Variants in RPS6KA2 observed in about 807,000 individuals in gnomAD.
RPS6KA2 encodes the protein ribosomal protein S6 kinase A2.
A neutral mutation model predicts 91.8 loss-of-function variants in RPS6KA2; 42 were observed. The ratio of observed to expected loss-of-function variants is 0.46; its 90% CI spans 0.36 to 0.59. The LOEUF (loss-of-function observed/expected upper bound fraction) is 0.59, where lower values mean the gene tolerates loss of function less well. RPS6KA2 is among the 20% of genes least tolerant of loss of function. RPS6KA2 has a pLI of 0.00. For synonymous variants in RPS6KA2, 414 were observed against 393.6 expected (o/e 1.05, Z -0.61); for missense variants, 798 against 978.5 (o/e 0.82, Z 2.46).
chr6:166,545,475 T>C (rs991341033), intron 1 of RPS6KA2, among the ~76,000 whole-genome samples: 1 of 152,280 alleles, frequency 6.6e-6, no homozygotes, highest in Non-Finnish European at 1.5e-5. Flanking sequence ...GCTGGGCTAA[T>C]GTAAGGTTCC....
intron 3 of RPS6KA2, among the ~76,000 whole-genome samples, chr6:166,527,808 C>A (rs1033283708): frequency 1.3e-5 from 2 of 152,214 alleles, no homozygotes; most frequent in South Asian, 4.1e-4. Context: ...TTAACCCGTG[C>A]GGCTTGGTGC....
intron 1 of RPS6KA2, among the ~76,000 whole-genome samples, chr6:166,569,562 C>T (rs1270107947): frequency 6.6e-6 from 1 of 152,222 alleles, no homozygotes; most frequent in African/African-American, 2.4e-5. Flanking sequence ...TCTCACCACC[C>T]TCTTGCCTTC....
At chr6:166,860,700 A>G (rs562670349) in intron 1 of RPS6KA2, among the ~76,000 whole-genome samples, 1 of 152,330 alleles carries the variant, frequency 6.6e-6, no homozygotes, top group East Asian at 1.9e-4. Flanking sequence ...GCACAAGCCA[A>G]TGTGCTGACG....
At position 166,459,618 on chromosome 6, in the gene RPS6KA2, A is replaced by T. The variant is rs1190576963; in HGVS notation, c.973-67T>A. The T allele has an allele frequency of 1.6e-5, 19 of 1,164,132 alleles. No homozygotes were observed. Among genetic ancestry groups the T allele is most frequent in the Non-Finnish European group, 2.3e-5 (18 of 786,354 alleles). The allele number at this position is 1,164,132 out of a possible 1,614,324, so 72.1% of individuals were successfully genotyped here. A position where few individuals can be genotyped will look rare whatever the true frequency, so the allele number is the denominator to read the frequency against. ...CAGACATTGCCACAGAACACTGGGG[A>T]CAGAGAAACCTGCTGTGGGGAGGGA... On this transcript the variant is annotated intron_variant, in intron 11 of 20. Coordinates refer to ENST00000265678, the MANE Select transcript of RPS6KA2 (RefSeq NM_021135.6). This position sits in a 1 kb window ranked among gnomAD's most constrained non-coding sequence, Gnocchi z 4.9.
At position 166,852,698 on chromosome 6, in the gene RPS6KA2, A is replaced by G. The variant is rs1411625779; in HGVS notation, c.123+5502T>C. 1.3e-5 allele frequency among the ~76,000 whole-genome samples: 2 copies of G among 151,996 alleles called. No homozygotes were observed. Among genetic ancestry groups the G allele is most frequent in the Admixed American group, 1.3e-4 (2 of 15,274 alleles). On this transcript the variant is annotated intron_variant, in intron 2 of 21. Coordinates refer to the RPS6KA2 transcript ENST00000503859. This position sits in a 1 kb window ranked among gnomAD's most constrained non-coding sequence, Gnocchi z 4.1. ...AACTCCGGGAGCTGGGCATTGGAGG[A>G]GGCCACGCTGACACGCTCAGGAGCT...
rs538593109 is a variant in RPS6KA2 at position 166,763,905 on chromosome 6, T to C, written c.123+94295A>G. On this transcript the variant is annotated intron_variant, in intron 2 of 21. Transcript: ENST00000503859. ...CCTTTAAAGATTGTTTTCAGATCCATGACGGCACGGCCGGCCTTGTCTATG... is the reference window on the plus strand; with the variant it reads ...CCTTTAAAGATTGTTTTCAGATCCACGACGGCACGGCCGGCCTTGTCTATG... 3.3e-5 allele frequency among the ~76,000 whole-genome samples: 5 copies of C among 152,328 alleles called. No homozygotes were observed. In the South Asian group the frequency reaches 1.0e-3, roughly 32 times the overall value.
intron 2 of RPS6KA2, among the ~76,000 whole-genome samples, chr6:166,537,493 A>C (rs1783518876): frequency 6.6e-6 from 1 of 152,266 alleles, no homozygotes; most frequent in African/African-American, 2.4e-5. Context: ...TTGTAGGCCC[A>C]AAATATTGCT....
At chr6:166,721,782 G>A (rs1790181004) in intron 2 of RPS6KA2, among the ~76,000 whole-genome samples, 2 of 152,028 alleles carry the variant, frequency 1.3e-5, no homozygotes, top group African/African-American at 4.8e-5. Context: ...TTGCAACCTC[G>A]CTCATCAGCT....
chr6:166,713,275 AG>A (rs1378545242), intron 2 of RPS6KA2, among the ~76,000 whole-genome samples: 1 of 152,172 alleles, frequency 6.6e-6, no homozygotes, highest in Non-Finnish European at 1.5e-5. Flanking sequence ...CCAGGCCCAT[AG>A]CCGGGTTTTC....
chr6:166,477,858 T>C (rs7766197), intron 10 of RPS6KA2, among the ~76,000 whole-genome samples: 41,570 of 151,964 alleles, frequency 0.27, 8,321 homozygotes, highest in African/African-American at 0.57. Context: ...CTGAAGTGAG[T>C]CATGATTGCA....
chr6:166,658,187 T>C (rs1314811666), intron 2 of RPS6KA2, among the ~76,000 whole-genome samples: 3 of 151,960 alleles, frequency 2.0e-5, no homozygotes, highest in African/African-American at 4.8e-5. Flanking sequence ...CAGCCCAGGA[T>C]TTTTTACTCC....
At chr6:166,759,063 A>G (rs1325617767) in intron 2 of RPS6KA2, among the ~76,000 whole-genome samples, 2 of 139,506 alleles carry the variant, frequency 1.4e-5, no homozygotes, top group Admixed American at 1.4e-4. Context: ...TCAATGTTGC[A>G]TTCGTGTGTG....
chr6:166,510,385 A>C, intron 3 of RPS6KA2, 28 bp from the exon 4 acceptor site: 5 of 1,460,446 alleles, frequency 3.4e-6, no homozygotes, highest in Middle Eastern at 1.8e-4. Flanking sequence ...AAAGGCTTTC[A>C]TGAGGCAGGA....
At chr6:166,420,070 G>A (rs554351607) in intron 17 of RPS6KA2, 112 bp from the exon 18 acceptor site, 22 of 980,344 alleles carry the variant, frequency 2.2e-5, no homozygotes, top group South Asian at 8.3e-5. Context: ...GGAGGAGGGC[G>A]GTGCCATGTC....
chr6:166,697,372 G>A (rs1009814492), intron 2 of RPS6KA2, among the ~76,000 whole-genome samples: 1 of 152,216 alleles, frequency 6.6e-6, no homozygotes, highest in African/African-American at 2.4e-5. Context: ...CACCTGGCTG[G>A]AGATGGAGAC....
chr6:166,443,142 G>A (rs1209352099), intron 14 of RPS6KA2, among the ~76,000 whole-genome samples: 1 of 152,084 alleles, frequency 6.6e-6, no homozygotes, highest in East Asian at 1.9e-4. Context: ...ATACGATCTA[G>A]AGGAAAGAAA....
At chr6:166,698,975 G>A (rs75268343) in intron 2 of RPS6KA2, among the ~76,000 whole-genome samples, 9,794 of 152,222 alleles carry the variant, frequency 0.064, 377 homozygotes, top group African/African-American at 0.088. Context: ...AAGAGGTCAG[G>A]TGGTCAGATG....
chr6:166,469,344 T>A (rs78138415), intron 11 of RPS6KA2, among the ~76,000 whole-genome samples: 8 of 151,452 alleles, frequency 5.3e-5, no homozygotes, highest in South Asian at 2.1e-4. Context: ...TTTTTTTTTT[T>A]AAATGTGACT....
chr6:166,628,141 T>A (rs2128544491), upstream of RPS6KA2, among the ~76,000 whole-genome samples: 1 of 152,330 alleles, frequency 6.6e-6, no homozygotes, highest in South Asian at 2.1e-4. Context: ...GACCTGGGTC[T>A]AGGGCAAGGC....
Sources: gnomAD v4.1 joint callset for allele counts (sites outside exome capture counted in the v4.1 genomes callset) on GRCh38, gnomAD v4.1.1 for gene constraint, Gnocchi (gnomAD v3.1) non-coding constraint, MANE v1.5 for transcripts, NCBI Gene and HGNC (gene_info 2026-07-23, HGNC 2026-07-21) for gene names.